DOCK4: variants seen among roughly 807,000 people sequenced by gnomAD.
The protein encoded by DOCK4 is dedicator of cytokinesis 4.
Under a neutral mutation model 268.1 loss-of-function variants are expected in DOCK4, and 97 were observed. The ratio of observed to expected loss-of-function variants is 0.36; its 90% CI spans 0.31 to 0.43. The LOEUF (loss-of-function observed/expected upper bound fraction) is 0.43, where lower values mean the gene tolerates loss of function less well. Ranked by LOEUF, DOCK4 falls within the 20% of genes least tolerant of loss-of-function variation. DOCK4 has a pLI of 1.00. For missense variants in DOCK4, 2,145 were observed against 2,455.7 expected (o/e 0.87, Z 2.67); for synonymous variants, 954 against 887.2 (o/e 1.08, Z -1.34).
intron 1 of DOCK4, among the ~76,000 whole-genome samples, chr7:112,128,435 G>A (rs1044144325): frequency 6.6e-6 from 1 of 152,208 alleles, no homozygotes; most frequent in Non-Finnish European, 1.5e-5. Context: ...AGCTCATTGA[G>A]AACGGGCCAG....
chr7:112,123,312 A>G (rs1812911193), intron 1 of DOCK4, among the ~76,000 whole-genome samples: 1 of 152,082 alleles, frequency 6.6e-6, no homozygotes, highest in Admixed American at 6.5e-5. Flanking sequence ...AGAAAGGGGG[A>G]AGGTCACATA....
intron 23 of DOCK4, among the ~76,000 whole-genome samples, chr7:111,847,802 T>C (rs1392422710): frequency 6.6e-6 from 1 of 152,222 alleles, no homozygotes; most frequent in African/African-American, 2.4e-5. Flanking sequence ...CTTTATAACT[T>C]ACCCAGTCTT....
chr7:112,048,319 G>A (rs983029544), intron 1 of DOCK4, among the ~76,000 whole-genome samples: 17 of 150,368 alleles, frequency 1.1e-4, no homozygotes, highest in African/African-American at 3.7e-4. Context: ...TGAGGCGGGT[G>A]GACTACCTGA....
At chr7:111,969,874 A>C (rs1428429657) in intron 8 of DOCK4, among the ~76,000 whole-genome samples, 1 of 152,222 alleles carries the variant, frequency 6.6e-6, no homozygotes, top group African/African-American at 2.4e-5. Context: ...AATAATGCTA[A>C]GTAGTTTGCT....
intron 1 of DOCK4, among the ~76,000 whole-genome samples, chr7:112,136,676 G>C (rs1222496885): frequency 6.6e-6 from 1 of 152,106 alleles, no homozygotes; most frequent in Admixed American, 6.5e-5. Flanking sequence ...ATTCAGGAAG[G>C]GGCAGAAATT....
At chr7:112,009,014 G>C (rs568997768) in intron 1 of DOCK4, among the ~76,000 whole-genome samples, 1 of 152,008 alleles carries the variant, frequency 6.6e-6, no homozygotes, top group Non-Finnish European at 1.5e-5. Flanking sequence ...AACAAACAAA[G>C]AATTATTATA....
chr7:111,907,210 A>G (rs1381485757), intron 13 of DOCK4, among the ~76,000 whole-genome samples: 1 of 152,204 alleles, frequency 6.6e-6, no homozygotes, highest in East Asian at 1.9e-4. Flanking sequence ...TTTTCTATCT[A>G]TCATTCTCAT....
chr7:112,089,963 T>C (rs2135754341), intron 1 of DOCK4, among the ~76,000 whole-genome samples: 1 of 152,332 alleles, frequency 6.6e-6, no homozygotes, highest in Middle Eastern at 3.4e-3. Context: ...AATCCAAATC[T>C]TGAAAGCTGG....
chr7:111,954,234 GA>G (rs1440186628), intron 8 of DOCK4, among the ~76,000 whole-genome samples: 1 of 152,146 alleles, frequency 6.6e-6, no homozygotes, highest in East Asian at 1.9e-4. Context: ...GGACAATTCA[GA>G]AAAGCTCAGG....
At chr7:111,851,180 C>G (rs1017281450) in intron 23 of DOCK4, among the ~76,000 whole-genome samples, 5 of 152,096 alleles carry the variant, frequency 3.3e-5, no homozygotes, top group African/African-American at 1.2e-4. Context: ...TGCGGTGGCT[C>G]ACACCTGTAA....
At chr7:111,915,935 A>C (rs763064608) in intron 12 of DOCK4, 31 bp from the exon 13 acceptor site, 1 of 1,595,836 alleles carries the variant, frequency 6.3e-7, no homozygotes, top group Non-Finnish European at 8.5e-7. Flanking sequence ...CCGAGTTAAA[A>C]ACAGAATAGA....
At chr7:112,105,309 G>A (rs1344283634) in intron 1 of DOCK4, among the ~76,000 whole-genome samples, 1 of 151,970 alleles carries the variant, frequency 6.6e-6, no homozygotes, top group South Asian at 2.1e-4. Context: ...TTTAAAAATC[G>A]ATGTGAAAAT....
chr7:111,994,773 T>C (rs1447849757), intron 4 of DOCK4, among the ~76,000 whole-genome samples: 2 of 152,172 alleles, frequency 1.3e-5, no homozygotes, highest in East Asian at 1.9e-4. Context: ...ATTTGCAAAC[T>C]AGGACCATGA....
intron 23 of DOCK4, among the ~76,000 whole-genome samples, chr7:111,862,335 T>C (rs1288208015): frequency 6.6e-6 from 1 of 151,878 alleles, no homozygotes; most frequent in African/African-American, 2.4e-5. Context: ...AATGTTAAGA[T>C]TTGTTAATGA....
At chr7:112,130,241 C>T (rs893255110) in intron 1 of DOCK4, among the ~76,000 whole-genome samples, 1 of 152,078 alleles carries the variant, frequency 6.6e-6, no homozygotes, top group South Asian at 2.1e-4. Flanking sequence ...TACAGGTACC[C>T]GTTGGGGAGA....
intron 27 of DOCK4, among the ~76,000 whole-genome samples, chr7:111,816,923 T>C (rs1229056476): frequency 6.6e-6 from 1 of 152,162 alleles, no homozygotes; most frequent in Non-Finnish European, 1.5e-5. Context: ...AAAGGAGTGA[T>C]TTTGCTTTCA....
intron 1 of DOCK4, among the ~76,000 whole-genome samples, chr7:112,200,094 C>A (rs537174944): frequency 1.3e-5 from 2 of 152,314 alleles, no homozygotes; most frequent in Non-Finnish European, 2.9e-5. Flanking sequence ...TTCACAGAAA[C>A]CCAGTAAGAT....
intron 1 of DOCK4, among the ~76,000 whole-genome samples, chr7:112,159,438 T>G (rs1444901046): frequency 2.0e-5 from 3 of 152,182 alleles, no homozygotes; most frequent in Non-Finnish European, 4.4e-5. Flanking sequence ...TGGTCTGGCA[T>G]AAGTCCTCCA....
chr7:111,778,460 G>T, intron 35 of DOCK4, 91 bp from the exon 36 acceptor site: 2 of 728,322 alleles, frequency 2.7e-6, no homozygotes, highest in Non-Finnish European at 4.5e-6. Context: ...CATGTCTGGA[G>T]CCAAGAGAAC....
Sources: allele counts gnomAD v4.1 joint callset (sites outside exome capture counted in the v4.1 genomes callset), GRCh38; gene constraint gnomAD v4.1.1; transcripts MANE v1.5; gene names NCBI Gene and HGNC (gene_info 2026-07-23, HGNC 2026-07-21).